SLTM: variants seen among roughly 807,000 people sequenced by gnomAD.
SLTM encodes the protein SAFB like transcription modulator, also known as SAFB-like transcription modulator.
In SLTM, 43 loss-of-function variants were observed where a neutral mutation model predicts 134.6. That is an observed-to-expected ratio of 0.32 (90% CI 0.25 to 0.41). The LOEUF is 0.41. SLTM is among the 10% of genes least tolerant of loss of function. SLTM has a pLI of 1.00. For missense variants in SLTM, 1,055 were observed against 1,288.8 expected (o/e 0.82, Z 2.78); for synonymous variants, 424 against 432.3 (o/e 0.98, Z 0.24).
intron 5 of SLTM, among the ~76,000 whole-genome samples, chr15:58,906,120 G>T (rs1414640762): frequency 6.6e-6 from 1 of 152,058 alleles, no homozygotes; most frequent in Non-Finnish European, 1.5e-5. Flanking sequence ...CTTGCAATAA[G>T]GAAACAAACC....
intron 5 of SLTM, among the ~76,000 whole-genome samples, chr15:58,907,463 A>C (rs1293923933): frequency 2.0e-5 from 3 of 152,148 alleles, no homozygotes; most frequent in Non-Finnish European, 4.4e-5. Flanking sequence ...CTCTACAAAA[A>C]ATACAAAAGT....
chr15:58,916,176 CTCTT>C lies in SLTM; in HGVS notation c.315+755_315+758del, dbSNP rs1284721048. 2.0e-4 allele frequency among the ~76,000 whole-genome samples: 18 copies of C among 89,594 alleles called. No individual in the cohort carries two copies. The East Asian group carries it at 3.1e-3, about 15-fold the overall frequency. 58.8% of individuals were successfully genotyped at this position (89,594 alleles called of 152,430 possible). A position where few individuals can be genotyped will look rare whatever the true frequency, so the allele number is the denominator to read the frequency against. ...ATTTCTTAATTTGATCTCTCTCTCT[CTCTT>C]TTTTTTTTTTTTTGAGACGGAGTCT... On this transcript the variant is annotated intron_variant, in intron 3 of 20. Transcript: ENST00000380516.
In SLTM at chr15:58,890,385, G is replaced by C. The variant is rs760892608; in HGVS notation, c.1975C>G (p.Arg659Gly). The change falls in exon 15 of 21, where the codon CGC becomes GGC. Residue 659 changes from arginine (R) to glycine (G), a missense_variant. Physicochemically the swap from Arg to Gly is moderately radical, Grantham distance 125 (BLOSUM62 -2). This residue lies in a region of SLTM where 776 missense variants were observed against 962.2 expected (regional missense o/e 0.81). Coordinates refer to ENST00000380516, the MANE Select transcript of SLTM (RefSeq NM_024755.4). ...AGGCGCTCTCTCTCTCTCTGTAAGC[G>C]TTCCCGTTCTTCCCGTTCACGAATT... ...RIIREREERE[R>G]LQRERERLEI... is the part of the protein sequence containing the mutation. 6.2e-7 allele frequency: 1 copy of C among 1,613,738 alleles called. No homozygotes were observed. Among genetic ancestry groups the C allele is most frequent in the Non-Finnish European group, 8.5e-7 (1 of 1,179,976 alleles).
At chr15:58,892,317 C>T (rs756139301) in intron 14 of SLTM, among the ~76,000 whole-genome samples, 7 of 152,140 alleles carry the variant, frequency 4.6e-5, no homozygotes, top group Non-Finnish European at 1.0e-4. Context: ...TTATATTTTC[C>T]GTTTGTTTTA....
At chr15:58,891,104 A>G (rs1408706690) in intron 14 of SLTM, among the ~76,000 whole-genome samples, 12 of 152,194 alleles carry the variant, frequency 7.9e-5, no homozygotes, top group African/African-American at 2.9e-4. Context: ...GGTAGTCAGC[A>G]TCCTTTTCTG....
intron 1 of SLTM, 88 bp downstream of exon 1, chr15:58,933,316 G>A (rs1335560183): frequency 2.9e-6 from 4 of 1,400,914 alleles, no homozygotes; most frequent in East Asian, 5.9e-5. Context: ...AGCGGCTGCG[G>A]GCAGCCGGAG....
intron 19 of SLTM, 140 bp from the exon 20 acceptor site, chr15:58,883,926 C>T (rs941506966): frequency 1.1e-5 from 9 of 801,540 alleles, no homozygotes; most frequent in African/African-American, 5.2e-5. Flanking sequence ...GGTGCAACCC[C>T]GTTTCTACTA....
At position 58,916,966 on chromosome 15, in the gene SLTM, T is replaced by C. The variant is rs755988213; in HGVS notation, c.284A>G (p.Asp95Gly). ...AAAAGCATCATCTTCCACAGAAGCA[T>C]CTCCACTCAACTCATCTGCTTCATG... ...KKHEADELSG[D>G]ASVEDDAFIK... is the part of the protein sequence containing the mutation. Residue 95 changes from aspartate (D) to glycine (G), a missense_variant, in exon 3 of 21, where the codon GAT (aspartate) becomes GGT (glycine). This residue lies in a region of SLTM where 268 missense variants were observed against 284.3 expected (regional missense o/e 0.94). Coordinates refer to ENST00000380516, the MANE Select transcript of SLTM (RefSeq NM_024755.4). The C allele has an allele frequency of 6.2e-7, 1 of 1,613,784 alleles. No homozygotes were observed. The highest frequency in any genetic ancestry group is 8.5e-7 in the Non-Finnish European group (1 of 1,179,820).
At chr15:58,928,538 T>G (rs1306855102) in intron 2 of SLTM, among the ~76,000 whole-genome samples, 4 of 152,060 alleles carry the variant, frequency 2.6e-5, no homozygotes, top group African/African-American at 9.7e-5. Context: ...TCAACATTGT[T>G]TGTGCTTGTA....
intron 4 of SLTM, 191 bp from the exon 5 acceptor site, chr15:58,912,801 G>C (rs1430681138): frequency 1.9e-6 from 1 of 519,180 alleles, no homozygotes; most frequent in East Asian, 3.4e-5. Context: ...TGTCGCTAGA[G>C]AATTAGAAAT....
chr15:58,906,678 T>C (rs1361093698), intron 5 of SLTM, among the ~76,000 whole-genome samples: 1 of 152,184 alleles, frequency 6.6e-6, no homozygotes, highest in African/African-American at 2.4e-5. Context: ...AAAATAACTT[T>C]TAAACCACTA....
chr15:58,887,109 G>T lies in SLTM; in HGVS notation c.2701C>A (p.Pro901Thr). The change falls in exon 19 of 21, where the codon CCA becomes ACA. Residue 901 changes from proline (P) to threonine (T), a missense_variant. By Grantham distance (38) the Pro-to-Thr change is conservative. Coordinates refer to ENST00000380516, the MANE Select transcript of SLTM (RefSeq NM_024755.4). ...TDKRETRVER[P>T]ERSGREVSGH... is the part of the protein sequence containing the mutation. ...GATACTTCTCTCCCAGATCGTTCTGGCCTTTCAACTCTGTTAAACAAAACA... is the reference window on the plus strand; with the variant it reads ...GATACTTCTCTCCCAGATCGTTCTGTCCTTTCAACTCTGTTAAACAAAACA... The T allele has an allele frequency of 1.2e-6, 2 of 1,614,002 alleles. No individual in the cohort carries two copies. The highest frequency in any genetic ancestry group is 2.2e-5 in the East Asian group (1 of 44,874).
intron 17 of SLTM, 73 bp downstream of exon 17, chr15:58,888,312 A>G: frequency 7.4e-7 from 1 of 1,354,754 alleles, no homozygotes; most frequent in South Asian, 1.4e-5. Context: ...ACTTCCAGTT[A>G]AGATTTTAGG....
chr15:58,897,713 C>T (rs1268179763), intron 8 of SLTM: 1 of 152,284 alleles, frequency 6.6e-6, no homozygotes, highest in African/African-American at 2.4e-5. Context: ...ACCTTCATTC[C>T]ATATTAGAGA....
At chr15:58,921,681 A>G (rs1196443823) in intron 2 of SLTM, 1 of 279,924 alleles carries the variant, frequency 3.6e-6, no homozygotes, top group East Asian at 1.1e-4. Context: ...ATCTCACATT[A>G]GCTTTGGACT....
intron 9 of SLTM, among the ~76,000 whole-genome samples, chr15:58,894,915 G>A (rs1351909520): frequency 6.6e-6 from 1 of 152,062 alleles, no homozygotes; most frequent in East Asian, 1.9e-4. Context: ...ATGTTGGCCA[G>A]GCTGGTCTCA....
At chr15:58,908,385 G>T (rs922873522) in intron 5 of SLTM, among the ~76,000 whole-genome samples, 4 of 151,648 alleles carry the variant, frequency 2.6e-5, no homozygotes, top group African/African-American at 9.7e-5. Context: ...ACTGTTTTTT[G>T]AGATAGGGTC....
intron 19 of SLTM, among the ~76,000 whole-genome samples, chr15:58,886,246 T>C (rs2140948638): frequency 6.7e-6 from 1 of 148,186 alleles, no homozygotes; most frequent in South Asian, 2.1e-4. Flanking sequence ...TGTGTGTGTG[T>C]GTGTGTGTGT....
At chr15:58,895,304 A>G (rs1015364991) in intron 9 of SLTM, among the ~76,000 whole-genome samples, 1 of 152,212 alleles carries the variant, frequency 6.6e-6, no homozygotes, top group Non-Finnish European at 1.5e-5. Context: ...AATCACATAT[A>G]AAAAAGCGGA....
Sources: gnomAD v4.1 joint callset for allele counts (sites outside exome capture counted in the v4.1 genomes callset) on GRCh38, gnomAD v4.1.1 for gene constraint, gnomAD v4.1.1 regional missense constraint, MANE v1.5 for transcripts, NCBI Gene and HGNC (gene_info 2026-07-23, HGNC 2026-07-21) for gene names.